GPI: variants seen among roughly 807,000 people sequenced by gnomAD.
GPI encodes the protein D-hexose-6-phosphate anomerase.
GPI carries 56 observed loss-of-function variants against 75.8 expected under a neutral mutation model. The ratio of observed to expected loss-of-function variants is 0.74; its 90% CI spans 0.60 to 0.92. The LOEUF is 0.92. Ranked by LOEUF, GPI falls within the 40% of genes least tolerant of loss-of-function variation. GPI has a pLI of 0.00. For synonymous variants in GPI, 288 were observed against 285.4 expected, an observed-to-expected ratio of 1.01 and a Z score of -0.09; for missense variants, 638 against 741.0, an observed-to-expected ratio of 0.86 and a Z score of 1.61.
At chr19:34,369,087 C>T (rs1326682411) in intron 4 of GPI, among the ~76,000 whole-genome samples, 3 of 151,014 alleles carry the variant, frequency 2.0e-5, no homozygotes, top group Non-Finnish European at 4.4e-5. Context: ...CTCACTCTCT[C>T]GCCCAGAGTG....
chr19:34,364,254 C>A (rs1362630103), upstream of GPI, among the ~76,000 whole-genome samples: 1 of 152,032 alleles, frequency 6.6e-6, no homozygotes, highest in Admixed American at 6.6e-5. Flanking sequence ...GGCTTGAACT[C>A]CTGGCGTCAA....
rs771510985 is a variant in GPI at position 34,399,964 on chromosome 19, G to C, written c.1605G>C (p.Val535=). 2 of 1,613,794 alleles carry C rather than the reference G, an allele frequency of 1.2e-6. No homozygotes were observed. Among genetic ancestry groups the C allele is most frequent in the African/African-American group, 1.3e-5 (1 of 74,992 alleles). Residue 535 remains valine, a synonymous_variant, in exon 18 of 18, where the codon GTG becomes GTC. Coordinates refer to ENST00000356487, the MANE Select transcript of GPI (RefSeq NM_000175.5). The part of the protein sequence containing the change: ...IEPELDGSAQ[V]TSHDASTNGL... ...CTGAGCTTGATGGCAGTGCTCAAGT[G>C]ACCTCTCACGACGCTTCTACCAATG...
intron 14 of GPI, chr19:34,397,957 G>C (rs985372637): frequency 6.6e-6 from 1 of 151,754 alleles, no homozygotes; most frequent in Non-Finnish European, 1.5e-5. Flanking sequence ...CCCAATCATA[G>C]CTCACTACAG....
intron 12 of GPI, among the ~76,000 whole-genome samples, chr19:34,395,038 A>G (rs2074924206): frequency 6.6e-6 from 1 of 152,142 alleles, no homozygotes; most frequent in South Asian, 2.1e-4. Context: ...GTTTAGTACA[A>G]AGCCAGTCCC....
intron 9 of GPI, among the ~76,000 whole-genome samples, chr19:34,391,667 G>A (rs570065408): frequency 2.7e-3 from 417 of 152,040 alleles, no homozygotes; most frequent in Middle Eastern, 0.02. Flanking sequence ...ACATGTATGA[G>A]GATCTGGGTC....
intron 9 of GPI, among the ~76,000 whole-genome samples, chr19:34,389,163 A>T (rs564122363): frequency 6.6e-6 from 1 of 152,254 alleles, no homozygotes; most frequent in African/African-American, 2.4e-5. Flanking sequence ...AGCATGATGT[A>T]GTCTGTAGGA....
At chr19:34,397,840 T>G (rs544645850) in intron 14 of GPI, 1 of 149,586 alleles carries the variant, frequency 6.7e-6, no homozygotes, top group East Asian at 2.0e-4. Context: ...GTGATTAGAT[T>G]GGGGCTACTA....
chr19:34,378,573 T>C (rs71351765), intron 6 of GPI, among the ~76,000 whole-genome samples: 1 of 152,138 alleles, frequency 6.6e-6, no homozygotes. Flanking sequence ...GTTTTGTTTG[T>C]TTTTATTTAT....
At chr19:34,364,104 G>C (rs556984189), upstream of GPI, among the ~76,000 whole-genome samples, 6 of 152,062 alleles carry the variant, frequency 3.9e-5, no homozygotes, top group African/African-American at 1.4e-4. Context: ...AATCACGGCA[G>C]CCTCTAACTC....
Position 34,377,894 on chromosome 19 carries a change from A to G in GPI, c.633+13A>G. 6.8e-6 allele frequency: 11 copies of G among 1,614,056 alleles called. No homozygotes were observed. The highest frequency in any genetic ancestry group is 8.5e-6 in the Non-Finnish European group (10 of 1,179,956). ...CATTGCCTCCAAGGTATGAGTGCCGAAAACTGCCCGGCCCCTGGCCCTGTG... is the reference window on the plus strand; with the variant it reads ...CATTGCCTCCAAGGTATGAGTGCCGGAAACTGCCCGGCCCCTGGCCCTGTG... On this transcript the variant is annotated intron_variant, in intron 6 of 17. Coordinates refer to ENST00000356487, the MANE Select transcript of GPI (RefSeq NM_000175.5).
intron 9 of GPI, among the ~76,000 whole-genome samples, chr19:34,387,467 G>A (rs1020023065): frequency 6.6e-5 from 10 of 151,902 alleles, no homozygotes; most frequent in Admixed American, 5.9e-4. Flanking sequence ...TCGTGAGTCT[G>A]TGGATCCAGG....
At chr19:34,386,187 A>G in intron 9 of GPI, among the ~76,000 whole-genome samples, 1 of 152,160 alleles carries the variant, frequency 6.6e-6, no homozygotes, top group East Asian at 1.9e-4. Flanking sequence ...TCAGGTAGGT[A>G]GAGATAGCCT....
chr19:34,396,087 C>T (rs1028593462), intron 12 of GPI, among the ~76,000 whole-genome samples: 25 of 151,916 alleles, frequency 1.6e-4, no homozygotes, highest in African/African-American at 3.9e-4. Flanking sequence ...TACAGGCATG[C>T]GCCATCACAC....
chr19:34,377,200 G>A (rs2074551041), intron 4 of GPI, among the ~76,000 whole-genome samples: 1 of 148,234 alleles, frequency 6.7e-6, no homozygotes, highest in Non-Finnish European at 1.5e-5. Context: ...TACTCAGGAG[G>A]CTGAGGCAGG....
intron 12 of GPI, among the ~76,000 whole-genome samples, chr19:34,396,025 G>A (rs958606682): frequency 2.8e-5 from 4 of 144,260 alleles, no homozygotes; most frequent in African/African-American, 7.8e-5. Context: ...CACAACCTCC[G>A]CCTCCCGGGT....
At chr19:34,375,635 G>A (rs1599819551) in intron 4 of GPI, among the ~76,000 whole-genome samples, 1 of 152,206 alleles carries the variant, frequency 6.6e-6, no homozygotes, top group Admixed American at 6.5e-5. Context: ...CACAGGAAGC[G>A]AGTTGGCTGT....
chr19:34,371,870 A>AG (rs1444596002), intron 4 of GPI, among the ~76,000 whole-genome samples: 11 of 151,720 alleles, frequency 7.3e-5, no homozygotes, highest in Admixed American at 7.2e-4. Flanking sequence ...GAAAAAAAAA[A>AG]AGACACATTT....
At chr19:34,360,727 C>A (rs1474102148), upstream of GPI, among the ~76,000 whole-genome samples, 2 of 152,196 alleles carry the variant, frequency 1.3e-5, no homozygotes, top group Non-Finnish European at 2.9e-5. Context: ...AGGAACCAGG[C>A]AGCCTGGGTT....
chr19:34,377,813 G>A lies in GPI; in HGVS notation c.565G>A (p.Gly189Arg). Reference protein sequence around the residue: ...PRVWYVSNIDGTHIAKTLAQL... With the variant: ...PRVWYVSNIDRTHIAKTLAQL... ...CGTCTGGTATGTCTCCAACATTGAT[G>A]GAACTCACATTGCCAAAACCCTGGC... The change falls in exon 6 of 18, where the codon GGA (glycine) becomes AGA (arginine). Residue 189 changes from glycine (G) to arginine (R), a missense_variant. Gly to Arg is a moderately radical substitution (Grantham distance 125). Coordinates refer to ENST00000356487, the MANE Select transcript of GPI (RefSeq NM_000175.5). The A allele has an allele frequency of 6.2e-7, 1 of 1,614,084 alleles. No individual in the cohort carries two copies. The highest frequency in any genetic ancestry group is 8.5e-7 in the Non-Finnish European group (1 of 1,179,974).
Sources: allele counts gnomAD v4.1 joint callset (sites outside exome capture counted in the v4.1 genomes callset), GRCh38; gene constraint gnomAD v4.1.1; transcripts MANE v1.5; gene names NCBI Gene and HGNC (gene_info 2026-07-23, HGNC 2026-07-21).